KCNH1: variants seen among roughly 807,000 people sequenced by gnomAD.
The protein encoded by KCNH1 is potassium voltage-gated channel subfamily H member 1, also known as voltage-gated delayed rectifier potassium channel KCNH1.
KCNH1 carries 27 observed loss-of-function variants against 69.2 expected under a neutral mutation model. The observed-to-expected ratio is 0.39, with a 90% CI of 0.29 to 0.54. The LOEUF (loss-of-function observed/expected upper bound fraction) is 0.54, where lower values mean the gene tolerates loss of function less well. Among genes scored for constraint, KCNH1 ranks in the 20% least tolerant of loss-of-function variants. The pLI is 0.68. For missense variants in KCNH1, 798 were observed against 1,261.6 expected (o/e 0.63, Z 5.57); for synonymous variants, 456 against 487.7 (o/e 0.93, Z 0.86).
At chr1:210,812,605 G>A (rs957682296) in intron 7 of KCNH1, among the ~76,000 whole-genome samples, 35 of 152,202 alleles carry the variant, frequency 2.3e-4, no homozygotes, top group African/African-American at 8.4e-4. Context: ...TTAGTCATTT[G>A]ATTAGGATGA....
chr1:210,816,174 G>C (rs369988449), intron 7 of KCNH1, among the ~76,000 whole-genome samples: 30 of 152,122 alleles, frequency 2.0e-4, no homozygotes, highest in African/African-American at 7.2e-4. Flanking sequence ...ATATAAAACA[G>C]ATACATTCCC....
chr1:210,841,287 C>A (rs751988385), intron 7 of KCNH1, among the ~76,000 whole-genome samples: 4 of 152,084 alleles, frequency 2.6e-5, no homozygotes, highest in Non-Finnish European at 5.9e-5. Flanking sequence ...CCTATTAATA[C>A]CATAAAAGGC....
At chr1:210,982,217 T>A (rs1342022629) in intron 6 of KCNH1, among the ~76,000 whole-genome samples, 2 of 117,574 alleles carry the variant, frequency 1.7e-5, no homozygotes, top group Non-Finnish European at 3.5e-5. Context: ...GATGCGAGAA[T>A]ACTTTTATTA....
At chr1:210,937,087 AT>A (rs1687786829) in intron 6 of KCNH1, among the ~76,000 whole-genome samples, 1 of 152,078 alleles carries the variant, frequency 6.6e-6, no homozygotes, top group Non-Finnish European at 1.5e-5. Flanking sequence ...CTCCTGCCAC[AT>A]TTGCCCTGCC....
intron 4 of KCNH1, among the ~76,000 whole-genome samples, chr1:211,084,168 T>A (rs1414846314): frequency 1.3e-5 from 2 of 152,188 alleles, no homozygotes; most frequent in Non-Finnish European, 2.9e-5. Flanking sequence ...CAGCATGGAC[T>A]CTGTAGGGGT....
chr1:210,731,729 T>C (rs1682752540), intron 10 of KCNH1, among the ~76,000 whole-genome samples: 1 of 152,208 alleles, frequency 6.6e-6, no homozygotes, highest in African/African-American at 2.4e-5. Context: ...GAGTCTCCGA[T>C]AGAGTTCCCA....
chr1:210,813,473 G>C (rs181094406), intron 7 of KCNH1, among the ~76,000 whole-genome samples: 1 of 152,068 alleles, frequency 6.6e-6, no homozygotes, highest in Non-Finnish European at 1.5e-5. Context: ...GAGTGTGAGG[G>C]GGTAGGGAAT....
chr1:210,848,214 A>G (rs1452020306), intron 7 of KCNH1, among the ~76,000 whole-genome samples: 3 of 152,200 alleles, frequency 2.0e-5, no homozygotes, highest in African/African-American at 7.2e-5. Context: ...TGTTGTCTGA[A>G]TTATGTTATT....
chr1:210,827,161 C>A (rs941400197), intron 7 of KCNH1, among the ~76,000 whole-genome samples: 2 of 152,104 alleles, frequency 1.3e-5, no homozygotes, highest in African/African-American at 4.8e-5. Context: ...CACAGTGAAA[C>A]CCCATCTCTA....
chr1:211,104,191 C>T (rs1476764875), intron 2 of KCNH1, among the ~76,000 whole-genome samples: 1 of 151,838 alleles, frequency 6.6e-6, no homozygotes, highest in African/African-American at 2.4e-5. Flanking sequence ...TGGAGGAGAC[C>T]ACGGCATTAT....
intron 6 of KCNH1, among the ~76,000 whole-genome samples, chr1:210,946,024 G>A (rs1180106604): frequency 6.6e-6 from 1 of 152,194 alleles, no homozygotes; most frequent in Non-Finnish European, 1.5e-5. Context: ...CCAGAACACT[G>A]CCAGTATAGC....
intron 5 of KCNH1, among the ~76,000 whole-genome samples, chr1:211,074,319 T>C (rs1046931950): frequency 2.6e-5 from 4 of 151,670 alleles, no homozygotes; most frequent in African/African-American, 9.7e-5. Context: ...ATAATACTAT[T>C]AGTTTCATCC....
intron 7 of KCNH1, among the ~76,000 whole-genome samples, chr1:210,805,570 T>C (rs1684533853): frequency 6.6e-6 from 1 of 152,208 alleles, no homozygotes; most frequent in South Asian, 2.1e-4. Flanking sequence ...TCATACAATA[T>C]GTACTCTTTT....
chr1:211,125,677 C>T (rs1414588192), intron 1 of KCNH1, among the ~76,000 whole-genome samples: 3 of 152,182 alleles, frequency 2.0e-5, no homozygotes, highest in Non-Finnish European at 4.4e-5. Context: ...ATGTCTACAT[C>T]GTTGCTTTAA....
chr1:210,897,509 G>A (rs763628962), intron 7 of KCNH1, among the ~76,000 whole-genome samples: 2 of 152,202 alleles, frequency 1.3e-5, no homozygotes, highest in Non-Finnish European at 1.5e-5. Context: ...TAGACACAGT[G>A]ATGAGGACAC....
chr1:210,857,205 C>T (rs981232412), intron 7 of KCNH1, among the ~76,000 whole-genome samples: 12 of 152,026 alleles, frequency 7.9e-5, no homozygotes, highest in African/African-American at 2.4e-4. Flanking sequence ...AGCGACTACA[C>T]GTTTAGTGCT....
In KCNH1 at chr1:210,718,693, T is replaced by C. The variant is rs533855128; in HGVS notation, c.2113-34555A>G. Among the ~76,000 whole-genome samples, 418 of 121,106 alleles carry C rather than the reference T, an allele frequency of 3.5e-3. 13 individuals are homozygous for C. The highest frequency in any genetic ancestry group is 0.021 in the East Asian group (89 of 4,296). The allele number at this position is 121,106 out of a possible 152,430, so 79.5% of individuals were successfully genotyped here. A position where few individuals can be genotyped will look rare whatever the true frequency, so the allele number is the denominator to read the frequency against. On this transcript the variant is annotated intron_variant, in intron 10 of 10. Coordinates refer to ENST00000271751, the MANE Select transcript of KCNH1 (RefSeq NM_172362.3). ...ACACACACACACACACACACACACA[T>C]ATATATATACACACTAAGTCTTCAA...
intron 7 of KCNH1, among the ~76,000 whole-genome samples, chr1:210,813,314 A>G (rs1460198324): frequency 6.6e-6 from 1 of 152,240 alleles, no homozygotes; most frequent in African/African-American, 2.4e-5. Flanking sequence ...TAAGCTCATC[A>G]TGCACAGAGG....
chr1:210,917,816 C>T (rs569753967), intron 7 of KCNH1, among the ~76,000 whole-genome samples: 17 of 152,282 alleles, frequency 1.1e-4, no homozygotes, highest in African/African-American at 1.9e-4. Flanking sequence ...CTAGGAAATA[C>T]GTGCAGTTAA....
Sources: allele counts gnomAD v4.1 joint callset (sites outside exome capture counted in the v4.1 genomes callset), GRCh38; gene constraint gnomAD v4.1.1; transcripts MANE v1.5; gene names NCBI Gene and HGNC (gene_info 2026-07-23, HGNC 2026-07-21).